KAZN: variants seen among roughly 807,000 people sequenced by gnomAD.
The protein encoded by KAZN is kazrin, periplakin interacting protein.
In KAZN, 40 loss-of-function variants were observed where a neutral mutation model predicts 87.4. The observed-to-expected ratio is 0.46, with a 90% CI of 0.36 to 0.60. KAZN has a LOEUF of 0.60. Ranked by LOEUF, KAZN falls within the 20% of genes least tolerant of loss-of-function variation. The probability of loss-of-function intolerance (pLI) is 0.00; values close to 1 mark genes in which losing one functional copy is unlikely to be tolerated. For synonymous variants in KAZN, 466 were observed against 458.3 expected, an observed-to-expected ratio of 1.02 and a Z score of -0.22; for missense variants, 898 against 1,073.9, an observed-to-expected ratio of 0.84 and a Z score of 2.29.
At chr1:14,139,001 C>T (rs571882220) in intron 1 of KAZN, among the ~76,000 whole-genome samples, 13 of 152,168 alleles carry the variant, frequency 8.5e-5, no homozygotes, top group Non-Finnish European at 1.8e-4. Flanking sequence ...AATGTCTGGG[C>T]TGGCCTTCCC....
chr1:14,371,849 C>T (rs942982650), intron 2 of KAZN, among the ~76,000 whole-genome samples: 2 of 152,168 alleles, frequency 1.3e-5, no homozygotes, highest in Admixed American at 6.5e-5. Flanking sequence ...ATGCACTCCT[C>T]ATGAAAGATG....
chr1:14,802,404 C>A (rs1412015521), intron 1 of KAZN, among the ~76,000 whole-genome samples: 48 of 135,326 alleles, frequency 3.5e-4, no homozygotes, highest in Non-Finnish European at 4.7e-4. Context: ...ACTCTTGTCT[C>A]AAAAAAAAAA....
intron 1 of KAZN, among the ~76,000 whole-genome samples, chr1:14,171,207 G>A (rs192308217): frequency 6.6e-6 from 1 of 152,272 alleles, no homozygotes; most frequent in East Asian, 1.9e-4. Context: ...GGGAATTTGG[G>A]TTGTTTCCAC....
At chr1:14,489,281 A>G in intron 2 of KAZN, among the ~76,000 whole-genome samples, 1 of 152,286 alleles carries the variant, frequency 6.6e-6, no homozygotes, top group South Asian at 2.1e-4. Flanking sequence ...TCTATTATAC[A>G]CATCTATATA....
At chr1:14,138,081 C>CTG (rs144840101) in intron 1 of KAZN, among the ~76,000 whole-genome samples, 44,306 of 133,458 alleles carry the variant, frequency 0.33, 7,001 homozygotes, top group East Asian at 0.62. Flanking sequence ...ATAAATGTTA[C>CTG]AGTGTGTGTG....
chr1:14,001,891 A>G (rs1639808352), intron 1 of KAZN, among the ~76,000 whole-genome samples: 1 of 152,248 alleles, frequency 6.6e-6, no homozygotes, highest in Non-Finnish European at 1.5e-5. Flanking sequence ...CCCAAACCAT[A>G]AAATCCCTAA....
intron 1 of KAZN, among the ~76,000 whole-genome samples, chr1:14,022,485 CAAAAAAAAAAA>C (rs58713618): frequency 3.7e-3 from 404 of 110,480 alleles, no homozygotes; most frequent in African/African-American, 0.012. Flanking sequence ...GTATTTAAAG[CAAAAAAAAAAA>C]AAAAAAAAAA....
chr1:14,385,051 G>A (rs1182002629), intron 2 of KAZN, among the ~76,000 whole-genome samples: 1 of 151,490 alleles, frequency 6.6e-6, no homozygotes. Flanking sequence ...TTGGGAGAGT[G>A]TATGTGTCGA....
chr1:14,232,989 A>G (rs1160366078), intron 2 of KAZN, among the ~76,000 whole-genome samples: 1 of 152,208 alleles, frequency 6.6e-6, no homozygotes, highest in Non-Finnish European at 1.5e-5. Context: ...TTATTTTTCC[A>G]TAATTTTAAC....
intron 1 of KAZN, among the ~76,000 whole-genome samples, chr1:14,165,171 A>T (rs1172860067): frequency 6.6e-6 from 1 of 151,374 alleles, no homozygotes; most frequent in African/African-American, 2.4e-5. Context: ...CTAAAATGTG[A>T]GCTATGGCTT....
chr1:15,087,868 A>T (rs1463455716), intron 8 of KAZN, among the ~76,000 whole-genome samples: 1 of 152,212 alleles, frequency 6.6e-6, no homozygotes, highest in East Asian at 1.9e-4. Flanking sequence ...AACACTTTGC[A>T]CACATCATTT....
At chr1:14,343,147 AAAACAAAC>A (rs150163006) in intron 2 of KAZN, among the ~76,000 whole-genome samples, 5 of 152,100 alleles carry the variant, frequency 3.3e-5, no homozygotes, top group African/African-American at 7.2e-5. Context: ...ACTCCATCTC[AAAACAAAC>A]AAACAAACAA....
At chr1:14,721,535 T>C (rs1643105267) in intron 1 of KAZN, among the ~76,000 whole-genome samples, 1 of 152,236 alleles carries the variant, frequency 6.6e-6, no homozygotes, top group Non-Finnish European at 1.5e-5. Context: ...GACAAGAACC[T>C]TGAAGGCAGC....
At chr1:15,016,509 C>T (rs1460756205) in intron 2 of KAZN, among the ~76,000 whole-genome samples, 1 of 152,268 alleles carries the variant, frequency 6.6e-6, no homozygotes, top group East Asian at 1.9e-4. Flanking sequence ...TGGTCTCAAA[C>T]TCCTGACCTC....
rs1491186832 is a variant in KAZN at position 14,365,369 on chromosome 1, G to GT, written c.249+184777_249+184778insT. ...GGCGCCCACCCCCTCCCCCCGGGGT[G>GT]GGGGGGGGGGGGGTCTTTCAAGGTC... On this transcript the variant is annotated intron_variant, in intron 2 of 16. Transcript: ENST00000636203. 6.6e-4 allele frequency among the ~76,000 whole-genome samples: 2 copies of GT among 3,012 alleles called. 1 individual carries two copies. Among genetic ancestry groups the GT allele is most frequent in the Non-Finnish European group, 1.4e-3 (2 of 1,440 alleles). The allele number at this position is 3,012 out of a possible 152,430, so 2.0% of individuals were successfully genotyped here. A position where few individuals can be genotyped will look rare whatever the true frequency, so the allele number is the denominator to read the frequency against.
At chr1:14,932,963 A>G (rs1660019749) in intron 1 of KAZN, among the ~76,000 whole-genome samples, 1 of 152,132 alleles carries the variant, frequency 6.6e-6, no homozygotes, top group South Asian at 2.1e-4. Context: ...ATGGCCCATT[A>G]AACACTAACT....
chr1:14,023,524 A>G (rs940747315), intron 1 of KAZN, among the ~76,000 whole-genome samples: 1 of 152,176 alleles, frequency 6.6e-6, no homozygotes, highest in Admixed American at 6.5e-5. Context: ...GGCAGGATTC[A>G]AAGCTGAGTG....
chr1:14,658,016 A>T (rs1638912902), intron 1 of KAZN, among the ~76,000 whole-genome samples: 1 of 152,156 alleles, frequency 6.6e-6, no homozygotes, highest in Non-Finnish European at 1.5e-5. Context: ...CAGTGCAGGC[A>T]CCTGGCGCTG....
chr1:14,963,590 A>G (rs955840496), intron 2 of KAZN, among the ~76,000 whole-genome samples: 1 of 152,064 alleles, frequency 6.6e-6, no homozygotes. Context: ...TTTATTGGCT[A>G]TGTGAGCTTG....
Sources: gnomAD v4.1 joint callset for allele counts (sites outside exome capture counted in the v4.1 genomes callset) on GRCh38, gnomAD v4.1.1 for gene constraint, MANE v1.5 for transcripts, NCBI Gene and HGNC (gene_info 2026-07-23, HGNC 2026-07-21) for gene names.